The following LMNB2 variants were observed in gnomAD, a reference collection of about 807,000 sequenced individuals.
LMNB2 encodes lamin-B2.
In LMNB2, 17 loss-of-function variants were observed where a neutral mutation model predicts 69.3. The observed-to-expected ratio is 0.25, with a 90% CI of 0.17 to 0.37. LMNB2 has a LOEUF of 0.37. Among genes scored for constraint, LMNB2 ranks in the 10% least tolerant of loss-of-function variants. The pLI is 1.00. For synonymous variants in LMNB2, 397 were observed against 389.3 expected (o/e 1.02, Z -0.23); for missense variants, 789 against 883.6 (o/e 0.89, Z 1.36).
intron 1 of LMNB2, among the ~76,000 whole-genome samples, chr19:2,445,344 G>A (rs571971519): frequency 7.3e-5 from 11 of 151,572 alleles, no homozygotes; most frequent in African/African-American, 2.4e-4. Context: ...TACCTCACAC[G>A]CAGGCACATG....
At chr19:2,434,937 T>A (rs1280290082) in intron 5 of LMNB2, 24 bp from the exon 6 acceptor site, 19 of 1,592,430 alleles carry the variant, frequency 1.2e-5, no homozygotes, top group Non-Finnish European at 1.6e-5. Flanking sequence ...GGCGGGTGAG[T>A]GCGGGCGCGG....
In LMNB2 at chr19:2,431,711, G is replaced by A; in HGVS notation, c.1711-53C>T. On this transcript the variant is annotated intron_variant, in intron 10 of 11. Coordinates refer to ENST00000325327, the MANE Select transcript of LMNB2 (RefSeq NM_032737.4). ...TCCCGGGATCGGGCCCAGAGCTGCT[G>A]TGGCGGCCCCGAGGGTGCCCAGACC... The A allele has an allele frequency of 3.1e-6, 5 of 1,613,804 alleles. No individual in the cohort carries two copies. In the South Asian group the frequency reaches 3.3e-5, roughly 11 times the overall value.
chr19:2,441,698 C>T (rs1411803632), intron 2 of LMNB2, among the ~76,000 whole-genome samples: 1 of 152,342 alleles, frequency 6.6e-6, no homozygotes. Flanking sequence ...GAGGCATCAG[C>T]GACACAGGCT....
rs1195945731 is a variant in LMNB2 at position 2,447,614 on chromosome 19, T to C, written c.265-3074A>G. On this transcript the variant is annotated intron_variant, in intron 1 of 11. Coordinates refer to ENST00000325327, the MANE Select transcript of LMNB2 (RefSeq NM_032737.4). The surrounding 1 kb of genome is among the most constrained non-coding windows in gnomAD (Gnocchi z 4.4). ...GAGGAAAAGGAGGACCGGAGGATGG[T>C]AGGCGGAACCAGGCCCAGCACCACC... 1.3e-5 allele frequency among the ~76,000 whole-genome samples: 2 copies of C among 152,164 alleles called. No homozygotes were observed. The highest frequency in any genetic ancestry group is 4.8e-5 in the African/African-American group (2 of 41,426).
At chr19:2,432,867 G>A (rs113057155) in intron 8 of LMNB2, among the ~76,000 whole-genome samples, 9 of 69,354 alleles carry the variant, frequency 1.3e-4, no homozygotes, top group Non-Finnish European at 1.6e-4. Context: ...CCCATGCCCC[G>A]GTCTTTCCGG....
intron 2 of LMNB2, among the ~76,000 whole-genome samples, chr19:2,441,978 G>A (rs1971904977): frequency 6.6e-6 from 1 of 152,240 alleles, no homozygotes; most frequent in Admixed American, 6.5e-5. Flanking sequence ...CAGGACTGCA[G>A]GGCACACCCA....
chr19:2,454,516 C>T (rs923479282), intron 1 of LMNB2, among the ~76,000 whole-genome samples: 2 of 152,186 alleles, frequency 1.3e-5, no homozygotes, highest in Middle Eastern at 6.8e-3. Context: ...AAGGCGAGGG[C>T]ACTGAGACCC....
At position 2,431,080 on chromosome 19, in the gene LMNB2, C is replaced by G. The variant is rs1171641565; in HGVS notation, c.1822-128G>C. On this transcript the variant is annotated intron_variant, in intron 11 of 11. Transcript: ENST00000325327. ...CAACAACAGTGTCTATTTCTAGAGC[C>G]TTCCATTCCACTTCCATGTCCCCAT... is the stretch of plus-strand genomic sequence containing the variant. 4 of 718,902 alleles carry G rather than the reference C, an allele frequency of 5.6e-6. No individual in the cohort carries two copies. In the African/African-American group the frequency reaches 7.0e-5, roughly 13 times the overall value. The allele number at this position is 718,902 out of a possible 1,614,324, so 44.5% of individuals were successfully genotyped here.
At position 2,447,761 on chromosome 19, in the gene LMNB2, A is replaced by G. The variant is rs1423432890; in HGVS notation, c.265-3221T>C. 1.3e-5 allele frequency among the ~76,000 whole-genome samples: 2 copies of G among 152,196 alleles called. No individual in the cohort carries two copies. Among genetic ancestry groups the G allele is most frequent in the Non-Finnish European group, 2.9e-5 (2 of 68,024 alleles). On this transcript the variant is annotated intron_variant, in intron 1 of 11. Coordinates refer to ENST00000325327, the MANE Select transcript of LMNB2 (RefSeq NM_032737.4). This position sits in a 1 kb window ranked among gnomAD's most constrained non-coding sequence, Gnocchi z 4.4. ...CATGTTACAGGCGAGGCTCCTGTGC[A>G]GAGGGCTGGGGGCCTGCCAGGACGC...
chr19:2,439,189 T>G (rs1971865173), intron 2 of LMNB2, among the ~76,000 whole-genome samples: 1 of 151,902 alleles, frequency 6.6e-6, no homozygotes, highest in African/African-American at 2.4e-5. Flanking sequence ...CGGCTGACTC[T>G]TAAATGTTTT....
In LMNB2 at chr19:2,443,280, C is replaced by A. The variant is rs747276445; in HGVS notation, c.401+1124G>T. Among the ~76,000 whole-genome samples, 12 of 152,230 alleles carry A rather than the reference C, an allele frequency of 7.9e-5. No individual in the cohort carries two copies. Among genetic ancestry groups the A allele is most frequent in the Non-Finnish European group, 1.8e-4 (12 of 68,030 alleles). On this transcript the variant is annotated intron_variant, in intron 2 of 11. Transcript: ENST00000325327. This position sits in a 1 kb window ranked among gnomAD's most constrained non-coding sequence, Gnocchi z 6.2. ...TGGTCCCTGGGCTGACCTGGAGGGT[C>A]TCCTGTTGGGGAAGGGAAGTCAGCT...
Position 2,435,109 on chromosome 19 carries a change from C to G in LMNB2, c.747G>C (p.Gln249His). 1.2e-6 allele frequency: 2 copies of G among 1,608,826 alleles called. No homozygotes were observed. Among genetic ancestry groups the G allele is most frequent in the Non-Finnish European group, 1.7e-6 (2 of 1,179,754 alleles). The change falls in exon 5 of 12, where the codon CAG (glutamine) becomes CAC (histidine). Residue 249 changes from glutamine (Q) to histidine (H), a missense_variant. By Grantham distance (24) the Gln-to-His change is conservative. Around this residue, in one of 3 missense-constraint regions of LMNB2, gnomAD observed 609 missense variants for 630.9 expected, o/e 0.97. Coordinates refer to ENST00000325327, the MANE Select transcript of LMNB2 (RefSeq NM_032737.4). ...GTGCCATCTTGAAGTCGTACTCCTG[C>G]TGCCGGCTGCTGTCCACCTCCACCA... ...RRLVEVDSSRQQEYDFKMAQA... is the reference protein window; with the variant it reads ...RRLVEVDSSRHQEYDFKMAQA...
In LMNB2 at chr19:2,447,707, G is replaced by T. The variant is rs1254555498; in HGVS notation, c.265-3167C>A. On this transcript the variant is annotated intron_variant, in intron 1 of 11. Coordinates refer to ENST00000325327, the MANE Select transcript of LMNB2 (RefSeq NM_032737.4). The surrounding 1 kb of genome is among the most constrained non-coding windows in gnomAD (Gnocchi z 4.4). ...GGTGTCTATGCAAGGTGGGTACAGG[G>T]TCGGCCTGCATCTGGAGGGCCACAC... is the stretch of plus-strand genomic sequence containing the variant. Among the ~76,000 whole-genome samples the T allele has an allele frequency of 6.6e-6, 1 of 152,184 alleles. No individual in the cohort carries two copies. Among genetic ancestry groups the T allele is most frequent in the Non-Finnish European group, 1.5e-5 (1 of 68,028 alleles).
chr19:2,431,615 T>A lies in LMNB2; in HGVS notation c.1754A>T (p.Glu585Val). 1 of 1,614,134 alleles carries A rather than the reference T, an allele frequency of 6.2e-7. No homozygotes were observed. The highest frequency in any genetic ancestry group is 8.5e-7 in the Non-Finnish European group (1 of 1,180,008). Residue 585 changes from glutamate to valine, a missense_variant, in exon 11 of 12, where the codon GAG becomes GTG. This residue lies in a region of LMNB2 where 609 missense variants were observed against 630.9 expected (regional missense o/e 0.97). Coordinates refer to ENST00000325327, the MANE Select transcript of LMNB2 (RefSeq NM_032737.4). ...CTCCTCTTCCTCCCCATTCTCATTC[T>A]CACGCATCACCGAGGACTTCTTCAC... ...RTVKKSSVMR[E>V]NENGEEEEEE...
rs753097985 is a variant in LMNB2 at position 2,453,828 on chromosome 19, G to A, written c.264+2842C>T. Among the ~76,000 whole-genome samples the A allele has an allele frequency of 1.0e-3, 155 of 152,268 alleles. No homozygotes were observed. Among genetic ancestry groups the A allele is most frequent in the Middle Eastern group, 6.8e-3 (2 of 294 alleles). ...CCCTCAAAGCTCCCTGCAGCTGTTC[G>A]TCCCATTGGCAGGTGGGATAACAGA... On this transcript the variant is annotated intron_variant, in intron 1 of 11. Transcript: ENST00000325327. The surrounding 1 kb of genome is among the most constrained non-coding windows in gnomAD (Gnocchi z 4.4).
In LMNB2 at chr19:2,435,142, C is replaced by T; in HGVS notation, c.714G>A (p.Glu238=). The T allele has an allele frequency of 1.2e-6, 2 of 1,604,958 alleles. No homozygotes were observed. Among genetic ancestry groups the T allele is most frequent in the South Asian group, 1.1e-5 (1 of 91,042 alleles). Residue 238 remains glutamate, a synonymous_variant, in exon 5 of 12, where the codon GAG becomes GAA. Coordinates refer to ENST00000325327, the MANE Select transcript of LMNB2 (RefSeq NM_032737.4). ...TGCTGTCCACCTCCACCAGGCGCCG[C>T]TCGTGCCGCCGCCGCGTCTCCCGCA... ...EEVRETRRRH[E]RRLVEVDSSR...
chr19:2,431,866 G>A lies in LMNB2; in HGVS notation c.1627C>T (p.Pro543Ser). The A allele has an allele frequency of 6.2e-7, 1 of 1,613,040 alleles. No homozygotes were observed. The part of the protein sequence containing the change: ...AAGAGVAHSP[P>S]STLVWKGQSS... ...TGGCCCTTCCACACCAGCGTCGAGG[G>A]GGGGCTGTGGGCCACCCCCGCACCA... Residue 543 changes from proline (P) to serine (S), a missense_variant, in exon 10 of 12, where the codon CCC becomes TCC. Physicochemically the swap from Pro to Ser is moderately conservative, Grantham distance 74. Coordinates refer to ENST00000325327, the MANE Select transcript of LMNB2 (RefSeq NM_032737.4).
chr19:2,432,021 C>A, intron 9 of LMNB2, 119 bp from the exon 10 acceptor site: 1 of 1,301,764 alleles, frequency 7.7e-7, no homozygotes, highest in Non-Finnish European at 1.1e-6. Context: ...TCCTTCCAGC[C>A]CGACGCAGGC....
intron 1 of LMNB2, among the ~76,000 whole-genome samples, chr19:2,446,423 C>T (rs1369421336): frequency 2.0e-5 from 3 of 152,092 alleles, no homozygotes; most frequent in South Asian, 2.1e-4. Context: ...GAGGCACATG[C>T]GGTGCCAGGG....
Sources: gnomAD v4.1 joint callset for allele counts (sites outside exome capture counted in the v4.1 genomes callset) on GRCh38, gnomAD v4.1.1 for gene constraint, gnomAD v4.1.1 regional missense constraint, Gnocchi (gnomAD v3.1) non-coding constraint, MANE v1.5 for transcripts, NCBI Gene and HGNC (gene_info 2026-07-23, HGNC 2026-07-21) for gene names.